PNMA8C: variants seen among roughly 807,000 people sequenced by gnomAD.
The protein encoded by PNMA8C is paraneoplastic antigen-like protein 8C.
Position 46,425,610 on chromosome 19 carries a change from A to AC in PNMA8C, c.*2134_*2135insG, listed in dbSNP as rs1969414475. On this transcript the variant is annotated 3_prime_UTR_variant, in exon 1 of 1. Transcript: ENST00000617053. ...CTCAAAAAAAAAAAAAAAAAAAAAA[A>AC]AAGAATCAACAGAGAAGCTGGGCGC... 1 of 149,962 alleles carries AC rather than the reference A, an allele frequency of 6.7e-6. No homozygotes were observed. Among genetic ancestry groups the AC allele is most frequent in the Admixed American group, 6.7e-5 (1 of 14,952 alleles). 9.3% of individuals were successfully genotyped at this position (149,962 alleles called of 1,614,324 possible).
rs1486397674 is a variant in PNMA8C at position 46,428,495 on chromosome 19, C to T, written c.-136G>A. The T allele has an allele frequency of 7.5e-6, 3 of 397,586 alleles. No homozygotes were observed. Among genetic ancestry groups the T allele is most frequent in the African/African-American group, 2.1e-5 (1 of 48,642 alleles). The allele number at this position is 397,586 out of a possible 1,614,324, so 24.6% of individuals were successfully genotyped here. A position where few individuals can be genotyped will look rare whatever the true frequency, so the allele number is the denominator to read the frequency against. On this transcript the variant is annotated 5_prime_UTR_variant, in exon 1 of 1. Coordinates refer to ENST00000617053, the MANE Select transcript of PNMA8C (RefSeq NM_001386793.1). ...GAGTGAGGCCTCAGGGGCCGGAGGCCGCTCCCAGGACCCCTTCGTCCAGCT... is the reference window on the plus strand; with the variant it reads ...GAGTGAGGCCTCAGGGGCCGGAGGCTGCTCCCAGGACCCCTTCGTCCAGCT...
rs1031492586 is a variant in PNMA8C, at chr19:46,428,412, C to T, written c.-53G>A. On this transcript the variant is annotated 5_prime_UTR_variant, in exon 1 of 1. Transcript: ENST00000617053. ...TGCCCGCTGGTGGACACCTGAGCTG[C>T]CTCGGGAATCCACGAAATTATCCAG... 4 of 398,596 alleles carry T rather than the reference C, an allele frequency of 1.0e-5. No homozygotes were observed. The highest frequency in any genetic ancestry group is 1.8e-5 in the Non-Finnish European group (4 of 226,140). 24.7% of individuals were successfully genotyped at this position (398,596 alleles called of 1,614,324 possible). A position where few individuals can be genotyped will look rare whatever the true frequency, so the allele number is the denominator to read the frequency against.
At position 46,427,970 on chromosome 19, in the gene PNMA8C, C is replaced by T. The variant is rs765385542; in HGVS notation, c.390G>A (p.Arg130=). The part of the protein sequence containing the change: ...RTVEDMARVL[R]QELCPPATGP... Reference sequence around the variant, plus strand: ...CCGTGGCTGGGGGACACAGTTCCTGCCTCAGGACCCGGGCCATATCCTCCA... The same window carrying T: ...CCGTGGCTGGGGGACACAGTTCCTGTCTCAGGACCCGGGCCATATCCTCCA... Residue 130 remains arginine (R), a synonymous_variant, in exon 1 of 1, where the codon AGG becomes AGA. Coordinates refer to ENST00000617053, the MANE Select transcript of PNMA8C (RefSeq NM_001386793.1). The T allele has an allele frequency of 7.5e-6, 3 of 398,668 alleles. No individual in the cohort carries two copies. Among genetic ancestry groups the T allele is most frequent in the Non-Finnish European group, 1.3e-5 (3 of 226,146 alleles). The allele number at this position is 398,668 out of a possible 1,614,324, so 24.7% of individuals were successfully genotyped here.
Position 46,428,235 on chromosome 19 carries a change from T to C in PNMA8C, c.125A>G (p.Glu42Gly), listed in dbSNP as rs1040506036. ...AGGTTTGAGGGGCAGCCGAATAATC[T>C]CTTCGAATTCCTCGTGGTTGCAGTC... is the stretch of plus-strand genomic sequence containing the variant. ...PEDCNHEEFEEIIRLPLKPLG... is the reference protein window; with the variant it reads ...PEDCNHEEFEGIIRLPLKPLG... The change falls in exon 1 of 1, where the codon GAG becomes GGG. Residue 42 changes from glutamate (E) to glycine (G), a missense_variant. Glu to Gly is a moderately conservative substitution (Grantham distance 98). Transcript: ENST00000617053. The C allele has an allele frequency of 2.1e-4, 83 of 398,628 alleles. No homozygotes were observed. Among genetic ancestry groups the C allele is most frequent in the Non-Finnish European group, 3.4e-4 (76 of 226,080 alleles). The allele number at this position is 398,628 out of a possible 1,614,324, so 24.7% of individuals were successfully genotyped here.
Position 46,426,935 on chromosome 19 carries a change from G to C in PNMA8C, c.*810C>G, listed in dbSNP as rs1165418526. The C allele has an allele frequency of 6.6e-6, 1 of 152,224 alleles. No homozygotes were observed. Among genetic ancestry groups the C allele is most frequent in the African/African-American group, 2.4e-5 (1 of 41,462 alleles). 9.4% of individuals were successfully genotyped at this position (152,224 alleles called of 1,614,324 possible). A position where few individuals can be genotyped will look rare whatever the true frequency, so the allele number is the denominator to read the frequency against. ...GGTCTTTGAGACCCTTCCTCGCTTA[G>C]AAATTACTCTCATCTACTCAAATGA... is the stretch of plus-strand genomic sequence containing the variant. On this transcript the variant is annotated 3_prime_UTR_variant, in exon 1 of 1. Transcript: ENST00000617053.
chr19:46,427,953 G>A lies in PNMA8C; in HGVS notation c.407C>T (p.Pro136Leu). 1 of 398,600 alleles carries A rather than the reference G, an allele frequency of 2.5e-6. No individual in the cohort carries two copies. The allele number at this position is 398,600 out of a possible 1,614,324, so 24.7% of individuals were successfully genotyped here. Residue 136 changes from proline (P) to leucine (L), a missense_variant, in exon 1 of 1, where the codon CCA becomes CTA. Pro to Leu is a moderately conservative substitution (Grantham distance 98). Transcript: ENST00000617053. ...AGGCAGCTCTCTGGGGCCCGTGGCT[G>A]GGGGACACAGTTCCTGCCTCAGGAC... ...ARVLRQELCP[P>L]ATGPRELPAR...
Position 46,425,027 on chromosome 19 carries a change from A to AC in PNMA8C, c.*2717dup, listed in dbSNP as rs1178657895. 6.6e-6 allele frequency: 1 copy of AC among 152,210 alleles called. No homozygotes were observed. Among genetic ancestry groups the AC allele is most frequent in the Non-Finnish European group, 1.5e-5 (1 of 68,042 alleles). The allele number at this position is 152,210 out of a possible 1,614,324, so 9.4% of individuals were successfully genotyped here. On this transcript the variant is annotated 3_prime_UTR_variant, in exon 1 of 1. Coordinates refer to ENST00000617053, the MANE Select transcript of PNMA8C (RefSeq NM_001386793.1). ...TTGATTTCATGGGCAACATTGAACAACCACGCATGTTGTGTATCACAAATA... is the reference window on the plus strand; with the variant it reads ...TTGATTTCATGGGCAACATTGAACAACCCACGCATGTTGTGTATCACAAATA...
rs1471792387 is a variant in PNMA8C, at chr19:46,425,756, G to A, written c.*1989C>T. ...ATACAAAATTTAGCTGGACGTGGTGGTTCATGCCTGTAATCCTAGCTACTA... is the reference window on the plus strand; with the variant it reads ...ATACAAAATTTAGCTGGACGTGGTGATTCATGCCTGTAATCCTAGCTACTA... On this transcript the variant is annotated 3_prime_UTR_variant, in exon 1 of 1. Transcript: ENST00000617053. The A allele has an allele frequency of 1.3e-5, 2 of 152,152 alleles. No homozygotes were observed. Among genetic ancestry groups the A allele is most frequent in the African/African-American group, 4.8e-5 (2 of 41,412 alleles). 9.4% of individuals were successfully genotyped at this position (152,152 alleles called of 1,614,324 possible). A position where few individuals can be genotyped will look rare whatever the true frequency, so the allele number is the denominator to read the frequency against.
rs1601469953 is a variant in PNMA8C, at chr19:46,427,780, G to A, written c.580C>T (p.Arg194Cys). The change falls in exon 1 of 1, where the codon CGC becomes TGC. Residue 194 changes from arginine (R) to cysteine (C), a missense_variant. Coordinates refer to ENST00000617053, the MANE Select transcript of PNMA8C (RefSeq NM_001386793.1). ...KRGKRKNKKN[R>C]RRHHASDKKL ...TTGTCTGAGGCGTGATGCCGCCGGC[G>A]GTTTTTCTTGTTCTTCCTTTTGCCC... 2 of 398,632 alleles carry A rather than the reference G, an allele frequency of 5.0e-6. No homozygotes were observed. Among genetic ancestry groups the A allele is most frequent in the Non-Finnish European group, 4.4e-6 (1 of 226,194 alleles). 24.7% of individuals were successfully genotyped at this position (398,632 alleles called of 1,614,324 possible). A position where few individuals can be genotyped will look rare whatever the true frequency, so the allele number is the denominator to read the frequency against.
chr19:46,425,192 G>A lies in PNMA8C; in HGVS notation c.*2553C>T, dbSNP rs1785086571. 1 of 152,064 alleles carries A rather than the reference G, an allele frequency of 6.6e-6. No individual in the cohort carries two copies. The highest frequency in any genetic ancestry group is 2.4e-5 in the African/African-American group (1 of 41,316). The allele number at this position is 152,064 out of a possible 1,614,324, so 9.4% of individuals were successfully genotyped here. A position where few individuals can be genotyped will look rare whatever the true frequency, so the allele number is the denominator to read the frequency against. On this transcript the variant is annotated 3_prime_UTR_variant, in exon 1 of 1. Transcript: ENST00000617053. ...AGCAGCATGCAACAAACACGCTGGA[G>A]GCTTTCGTAGCATTTATTCAAGCTC...
In PNMA8C at chr19:46,428,087, G is replaced by C. The variant is rs1969433404; in HGVS notation, c.273C>G (p.Gly91=). ...GCATGTAGACCACTCTCCACACACC[G>C]CCCTTGCCCTTGATCTCCCTGGGGA... ...AVVPREIKGK[G]GVWRVVYMPR... The change falls in exon 1 of 1, where the codon GGC becomes GGG. Residue 91 remains glycine, a synonymous_variant. Coordinates refer to ENST00000617053, the MANE Select transcript of PNMA8C (RefSeq NM_001386793.1). The C allele has an allele frequency of 2.5e-6, 1 of 398,648 alleles. No individual in the cohort carries two copies. 24.7% of individuals were successfully genotyped at this position (398,648 alleles called of 1,614,324 possible).
chr19:46,426,982 G>A lies in PNMA8C; in HGVS notation c.*763C>T, dbSNP rs1969425190. 1 of 152,200 alleles carries A rather than the reference G, an allele frequency of 6.6e-6. No individual in the cohort carries two copies. Among genetic ancestry groups the A allele is most frequent in the South Asian group, 2.1e-4 (1 of 4,832 alleles). The allele number at this position is 152,200 out of a possible 1,614,324, so 9.4% of individuals were successfully genotyped here. On this transcript the variant is annotated 3_prime_UTR_variant, in exon 1 of 1. Transcript: ENST00000617053. Reference sequence around the variant, plus strand: ...ATGATACCCATACACATATTCAGGTGTTACCCGCACACTCTCAAATATTAC... The same window carrying A: ...ATGATACCCATACACATATTCAGGTATTACCCGCACACTCTCAAATATTAC...
At position 46,428,102 on chromosome 19, in the gene PNMA8C, C is replaced by G; in HGVS notation, c.258G>C (p.Glu86Asp). Residue 86 changes from glutamate to aspartate, a missense_variant, in exon 1 of 1, where the codon GAG becomes GAC. Physicochemically the swap from Glu to Asp is conservative, Grantham distance 45 (BLOSUM62 2). Transcript: ENST00000617053. ...TCCACACACCGCCCTTGCCCTTGAT[C>G]TCCCTGGGGACCACGGCGTAATTGA... ...EDINYAVVPREIKGKGGVWRV... is the reference protein window; with the variant it reads ...EDINYAVVPRDIKGKGGVWRV... 2.5e-6 allele frequency: 1 copy of G among 398,758 alleles called. No individual in the cohort carries two copies. Among genetic ancestry groups the G allele is most frequent in the Non-Finnish European group, 4.4e-6 (1 of 226,148 alleles). 24.7% of individuals were successfully genotyped at this position (398,758 alleles called of 1,614,324 possible). A position where few individuals can be genotyped will look rare whatever the true frequency, so the allele number is the denominator to read the frequency against.
At position 46,427,579 on chromosome 19, in the gene PNMA8C, C is replaced by G. The variant is rs1234919025; in HGVS notation, c.*166G>C. On this transcript the variant is annotated 3_prime_UTR_variant, in exon 1 of 1. Transcript: ENST00000617053. The stretch of plus-strand genomic sequence containing the variant: ...TGTTACCTGTGCTATCCAAATGATA[C>G]CCATTCTTACTCCAAAGTTACCCAC... 7.6e-6 allele frequency: 3 copies of G among 396,464 alleles called. No individual in the cohort carries two copies. In the East Asian group the frequency reaches 1.1e-4, roughly 14 times the overall value. 24.6% of individuals were successfully genotyped at this position (396,464 alleles called of 1,614,324 possible).
In PNMA8C at chr19:46,427,728, C is replaced by A; in HGVS notation, c.*17G>T. ...CACCCCCTCAGACACTCCCCACGCC[C>A]ACCCGATGCCACCACCTCACAGCTT... On this transcript the variant is annotated 3_prime_UTR_variant, in exon 1 of 1. Transcript: ENST00000617053. 5.0e-6 allele frequency: 2 copies of A among 398,416 alleles called. No individual in the cohort carries two copies. The highest frequency in any genetic ancestry group is 1.3e-4 in the South Asian group (1 of 7,582). 24.7% of individuals were successfully genotyped at this position (398,416 alleles called of 1,614,324 possible).
At position 46,428,015 on chromosome 19, in the gene PNMA8C, C is replaced by T; in HGVS notation, c.345G>A (p.Leu115=). Reference sequence around the variant, plus strand: ...CCTCCACCGTCCTGCCCTCGCTCTGCAGAAAGAGGTTCAGCTTGGTCAGGA... The same window carrying T: ...CCTCCACCGTCCTGCCCTCGCTCTGTAGAAAGAGGTTCAGCTTGGTCAGGA... ...IEFLTKLNLF[L]QSEGRTVEDM... The change falls in exon 1 of 1, where the codon CTG becomes CTA. Residue 115 remains leucine, a synonymous_variant. Transcript: ENST00000617053. 2.5e-6 allele frequency: 1 copy of T among 398,734 alleles called. No individual in the cohort carries two copies. The highest frequency in any genetic ancestry group is 4.4e-6 in the Non-Finnish European group (1 of 226,186). 24.7% of individuals were successfully genotyped at this position (398,734 alleles called of 1,614,324 possible).
rs898020214 is a variant in PNMA8C, at chr19:46,428,320, C to T, written c.40G>A (p.Gly14Arg). The T allele has an allele frequency of 2.3e-5, 9 of 398,570 alleles. No individual in the cohort carries two copies. Among genetic ancestry groups the T allele is most frequent in the Non-Finnish European group, 4.0e-5 (9 of 226,102 alleles). The allele number at this position is 398,570 out of a possible 1,614,324, so 24.7% of individuals were successfully genotyped here. The change falls in exon 1 of 1, where the codon GGG becomes AGG. Residue 14 changes from glycine (G) to arginine (R), a missense_variant. By Grantham distance (125) the Gly-to-Arg change is moderately radical. Coordinates refer to ENST00000617053, the MANE Select transcript of PNMA8C (RefSeq NM_001386793.1). ...CTGTCCACCTCCAGGGCCTTGCACC[C>T]GTGCTCCAACAGTGCAATGTCCTTC... ...GVKDIALLEH[G>R]CKALEVDSYK...
rs1443810509 is a variant in PNMA8C, at chr19:46,427,740, C to A, written c.*5G>T. The A allele has an allele frequency of 7.5e-6, 3 of 398,458 alleles. No homozygotes were observed. Among genetic ancestry groups the A allele is most frequent in the Non-Finnish European group, 1.3e-5 (3 of 226,148 alleles). 24.7% of individuals were successfully genotyped at this position (398,458 alleles called of 1,614,324 possible). On this transcript the variant is annotated 3_prime_UTR_variant, in exon 1 of 1. Coordinates refer to ENST00000617053, the MANE Select transcript of PNMA8C (RefSeq NM_001386793.1). The stretch of plus-strand genomic sequence containing the variant: ...CACTCCCCACGCCCACCCGATGCCA[C>A]CACCTCACAGCTTCTTGTCTGAGGC...
rs1348072912 is a variant in PNMA8C at position 46,426,063 on chromosome 19, A to G, written c.*1682T>C. On this transcript the variant is annotated 3_prime_UTR_variant, in exon 1 of 1. Coordinates refer to ENST00000617053, the MANE Select transcript of PNMA8C (RefSeq NM_001386793.1). ...CTGAGCAAAAGATCTGCCTACTCAC[A>G]TGTATTTGGATTTTACCTGATTTTT... 6.6e-6 allele frequency: 1 copy of G among 152,206 alleles called. No homozygotes were observed. The highest frequency in any genetic ancestry group is 6.5e-5 in the Admixed American group (1 of 15,278). 9.4% of individuals were successfully genotyped at this position (152,206 alleles called of 1,614,324 possible).
Sources: gnomAD v4.1 joint callset for allele counts on GRCh38, gnomAD v4.1.1 for gene constraint, MANE v1.5 for transcripts, NCBI Gene and HGNC (gene_info 2026-07-23, HGNC 2026-07-21) for gene names.